Variants in SLC8A1 observed in about 807,000 individuals in gnomAD.
The protein encoded by SLC8A1 is sodium/calcium exchanger 1.
In SLC8A1, 18 loss-of-function variants were observed where a neutral mutation model predicts 68.3. The observed-to-expected ratio is 0.26, with a 90% CI of 0.18 to 0.39. The LOEUF is 0.39. SLC8A1 is among the 10% of genes least tolerant of loss of function. The pLI, the probability that SLC8A1 is intolerant of heterozygous loss-of-function variation, is 1.00. For missense variants in SLC8A1, 985 were observed against 1,156.7 expected (o/e 0.85, Z 2.15); for synonymous variants, 475 against 415.5 (o/e 1.14, Z -1.74).
At chr2:40,238,460 G>T (rs1046486592) in intron 2 of SLC8A1, among the ~76,000 whole-genome samples, 2 of 151,648 alleles carry the variant, frequency 1.3e-5, no homozygotes, top group African/African-American at 4.8e-5. Flanking sequence ...GCCCTGCTTC[G>T]GCTCGCACAC....
chr2:40,284,356 G>C (rs11904332), intron 2 of SLC8A1, among the ~76,000 whole-genome samples: 1 of 91,324 alleles, frequency 1.1e-5, no homozygotes, highest in South Asian at 4.5e-4. Flanking sequence ...AATATATATA[G>C]ATATATACAT....
At chr2:40,441,457 C>T (rs1162112721) in intron 1 of SLC8A1, among the ~76,000 whole-genome samples, 1 of 151,294 alleles carries the variant, frequency 6.6e-6, no homozygotes, top group Non-Finnish European at 1.5e-5. Context: ...ACAGCCAAGA[C>T]AATCCTAAGC....
chr2:40,506,638 T>A (rs1706388042), intron 1 of SLC8A1, among the ~76,000 whole-genome samples: 1 of 151,856 alleles, frequency 6.6e-6, no homozygotes, highest in African/African-American at 2.4e-5. Flanking sequence ...TCTATCAGGG[T>A]CTATAGATTT....
intron 1 of SLC8A1, among the ~76,000 whole-genome samples, chr2:40,495,536 T>G (rs904061730): frequency 9.2e-5 from 14 of 152,078 alleles, no homozygotes; most frequent in African/African-American, 3.1e-4. Context: ...GAAAAATGTG[T>G]GTAGGAGCAA....
intron 2 of SLC8A1, among the ~76,000 whole-genome samples, chr2:40,355,960 T>C (rs1158078064): frequency 1.5e-4 from 23 of 152,118 alleles, no homozygotes; most frequent in Admixed American, 1.5e-3. Context: ...GGCACAAACA[T>C]GGATTGAACC....
At chr2:40,380,892 G>A (rs147138763) in intron 2 of SLC8A1, among the ~76,000 whole-genome samples, 1 of 152,026 alleles carries the variant, frequency 6.6e-6, no homozygotes, top group South Asian at 2.1e-4. Context: ...CCCTGCGTAT[G>A]GGATCCAAAG....
chr2:40,371,611 T>A (rs549092029), intron 2 of SLC8A1, among the ~76,000 whole-genome samples: 5 of 152,288 alleles, frequency 3.3e-5, no homozygotes. Flanking sequence ...ACATAGTGAA[T>A]GCTCAATAAA....
chr2:40,233,830 C>A (rs1405050490), intron 2 of SLC8A1, among the ~76,000 whole-genome samples: 1 of 151,676 alleles, frequency 6.6e-6, no homozygotes, highest in African/African-American at 2.4e-5. Context: ...GCCAGTTTTC[C>A]CAGCACCATT....
chr2:40,115,999 C>A (rs978050706), intron 7 of SLC8A1, among the ~76,000 whole-genome samples: 1 of 152,160 alleles, frequency 6.6e-6, no homozygotes, highest in African/African-American at 2.4e-5. Context: ...TTGCAAGGTG[C>A]CATGCGGCTG....
intron 2 of SLC8A1, among the ~76,000 whole-genome samples, chr2:40,295,109 T>TC (rs1239480728): frequency 6.7e-6 from 1 of 148,466 alleles, no homozygotes; most frequent in African/African-American, 2.6e-5. Context: ...ATTATTATTT[T>TC]TTTTTTTTGA....
At chr2:40,321,238 G>A (rs184621651) in intron 2 of SLC8A1, among the ~76,000 whole-genome samples, 3 of 151,792 alleles carry the variant, frequency 2.0e-5, no homozygotes, top group African/African-American at 7.3e-5. Context: ...AGCATCTCAT[G>A]GACAAACATC....
intron 2 of SLC8A1, among the ~76,000 whole-genome samples, chr2:40,195,131 A>C (rs978279309): frequency 4.6e-5 from 7 of 152,100 alleles, no homozygotes; most frequent in Admixed American, 2.6e-4. Context: ...GATGAACTGA[A>C]GTCTTGAAAT....
chr2:40,100,978 AT>A (rs943003144), exon 8 of SLC8A1: 2 of 152,134 alleles, frequency 1.3e-5, no homozygotes, highest in Non-Finnish European at 1.5e-5. Context: ...CATACTTTGA[AT>A]TGCTTTTGTG....
At chr2:40,144,544 T>C (rs2042110732) in intron 6 of SLC8A1, among the ~76,000 whole-genome samples, 1 of 152,036 alleles carries the variant, frequency 6.6e-6, no homozygotes, top group Admixed American at 6.6e-5. Context: ...TTTTAATGCC[T>C]AGTGTTATAT....
At chr2:40,359,284 G>C (rs1673786156) in intron 2 of SLC8A1, among the ~76,000 whole-genome samples, 2 of 152,082 alleles carry the variant, frequency 1.3e-5, no homozygotes, top group South Asian at 4.2e-4. Flanking sequence ...TTTTGGGTTT[G>C]ATAAAATACA....
intron 2 of SLC8A1, among the ~76,000 whole-genome samples, chr2:40,422,248 C>A (rs1695713658): frequency 6.7e-6 from 1 of 149,438 alleles, no homozygotes; most frequent in Admixed American, 6.6e-5. Flanking sequence ...TAATAAGGGA[C>A]TAATCGATGT....
exon 8 of SLC8A1, chr2:40,108,121 A>G (rs780606189): frequency 6.6e-6 from 1 of 152,226 alleles, no homozygotes; most frequent in African/African-American, 2.4e-5. Flanking sequence ...TCAAAATGGA[A>G]TCAGCCTTTC....
intron 2 of SLC8A1, among the ~76,000 whole-genome samples, chr2:40,216,573 G>A (rs551258246): frequency 2.6e-5 from 4 of 152,126 alleles, no homozygotes; most frequent in Admixed American, 6.5e-5. Context: ...TTGAGGAATC[G>A]CCACACTGTC....
intron 2 of SLC8A1, among the ~76,000 whole-genome samples, chr2:40,213,663 C>T (rs1033360640): frequency 7.9e-5 from 12 of 152,136 alleles, no homozygotes. Flanking sequence ...GACATTTTTT[C>T]CCCCGTCATC....
Sources: gnomAD v4.1 joint callset for allele counts (sites outside exome capture counted in the v4.1 genomes callset) on GRCh38, gnomAD v4.1.1 for gene constraint, MANE v1.5 for transcripts, NCBI Gene and HGNC (gene_info 2026-07-23, HGNC 2026-07-21) for gene names.